DNAJB12: variants seen among roughly 807,000 people sequenced by gnomAD.
DNAJB12 encodes dnaJ homolog subfamily B member 12.
A neutral mutation model predicts 40.6 loss-of-function variants in DNAJB12; 14 were observed. The observed-to-expected ratio is 0.34, with a 90% CI of 0.23 to 0.54. The LOEUF (loss-of-function observed/expected upper bound fraction) is 0.54, where lower values mean the gene tolerates loss of function less well. Among genes scored for constraint, DNAJB12 ranks in the 20% least tolerant of loss-of-function variants. The probability of loss-of-function intolerance (pLI) is 0.92; values close to 1 mark genes in which losing one functional copy is unlikely to be tolerated. For synonymous variants in DNAJB12, 181 were observed against 199.5 expected, an observed-to-expected ratio of 0.91 and a Z score of 0.78; for missense variants, 444 against 501.7, an observed-to-expected ratio of 0.89 and a Z score of 1.10.
At position 72,354,680 on chromosome 10, in the gene DNAJB12, C is replaced by T. The variant is rs540990141; in HGVS notation, c.133+85G>A. ...TAGCCGCGCCTCGCCACCCCTCCCC[C>T]TCCCCCAACTGCTCCCGTCGGTCCG... On this transcript the variant is annotated intron_variant, in intron 1 of 8. Coordinates refer to ENST00000444643, the MANE Select transcript of DNAJB12 (RefSeq NM_017626.7). The T allele has an allele frequency of 5.4e-6, 7 of 1,303,140 alleles. No individual in the cohort carries two copies. The African/African-American group carries it at 8.9e-5, about 17-fold the overall frequency. 80.7% of individuals were successfully genotyped at this position (1,303,140 alleles called of 1,614,324 possible).
chr10:72,341,299 G>T, intron 3 of DNAJB12, 129 bp from the exon 4 acceptor site: 2 of 891,110 alleles, frequency 2.2e-6, no homozygotes, highest in Non-Finnish European at 3.4e-6. Flanking sequence ...CTTGGGGTGG[G>T]CAGGAAGCTT....
chr10:72,345,489 C>T (rs11000269), intron 1 of DNAJB12, among the ~76,000 whole-genome samples: 6 of 149,912 alleles, frequency 4.0e-5, no homozygotes, highest in African/African-American at 1.5e-4. Context: ...GTAATTCCAG[C>T]TACTAGGGAG....
intron 8 of DNAJB12, 162 bp from the exon 9 acceptor site, chr10:72,334,779 G>C: frequency 7.2e-7 from 1 of 1,396,538 alleles, no homozygotes; most frequent in African/African-American, 1.5e-5. Flanking sequence ...CGGCAGCACA[G>C]AGGCAGGCAC....
At chr10:72,343,642 C>T (rs1443913978) in intron 2 of DNAJB12, 131 bp from the exon 3 acceptor site, 10 of 943,500 alleles carry the variant, frequency 1.1e-5, no homozygotes, top group Non-Finnish European at 1.5e-5. Context: ...CTGACAGCTC[C>T]TTGGGTCAGC....
At position 72,340,814 on chromosome 10, in the gene DNAJB12, T is replaced by G; in HGVS notation, c.698A>C (p.Gln233Pro). Reference sequence around the variant, plus strand: ...ATCACCCTGGTTGTCCCTGCGGTCCTGCCTTTGCTGGTAGGTATAGCGCAT... The same window carrying G: ...ATCACCCTGGTTGTCCCTGCGGTCCGGCCTTTGCTGGTAGGTATAGCGCAT... ...GRMRYTYQQRQDRRDNQGDGG... is the reference protein window; with the variant it reads ...GRMRYTYQQRPDRRDNQGDGG... The change falls in exon 5 of 9, where the codon CAG becomes CCG. Residue 233 changes from glutamine (Q) to proline (P), a missense_variant. Coordinates refer to ENST00000444643, the MANE Select transcript of DNAJB12 (RefSeq NM_017626.7). 6.2e-7 allele frequency: 1 copy of G among 1,614,194 alleles called. No homozygotes were observed. Among genetic ancestry groups the G allele is most frequent in the South Asian group, 1.1e-5 (1 of 91,066 alleles).
intron 1 of DNAJB12, among the ~76,000 whole-genome samples, chr10:72,350,534 A>G (rs980944308): frequency 2.0e-5 from 3 of 152,174 alleles, no homozygotes; most frequent in Non-Finnish European, 4.4e-5. Flanking sequence ...CATACAGGCT[A>G]AAAGAGGAAA....
intron 2 of DNAJB12, among the ~76,000 whole-genome samples, chr10:72,344,059 C>T (rs1861715690): frequency 6.6e-6 from 1 of 152,148 alleles, no homozygotes; most frequent in African/African-American, 2.4e-5. Flanking sequence ...TCAGCCCAAT[C>T]TGAGTCTTGA....
intron 1 of DNAJB12, chr10:72,354,415 C>CTAA: frequency 3.0e-5 from 8 of 267,894 alleles, no homozygotes; most frequent in South Asian, 1.2e-4. Context: ...CGGCGACTGG[C>CTAA]CTGGGCTACC....
intron 1 of DNAJB12, among the ~76,000 whole-genome samples, chr10:72,345,542 C>T (rs1861761506): frequency 6.8e-6 from 1 of 146,770 alleles, no homozygotes; most frequent in South Asian, 2.1e-4. Flanking sequence ...TGCAGTCCAG[C>T]CTGGGTGACA....
intron 5 of DNAJB12, 124 bp downstream of exon 5, chr10:72,340,665 G>A: frequency 1.0e-6 from 1 of 975,166 alleles, no homozygotes; most frequent in Admixed American, 2.1e-5. Context: ...CCTTGGCTGA[G>A]AGTTATGGGG....
chr10:72,336,025 G>A (rs1212625731), intron 7 of DNAJB12, 94 bp from the exon 8 acceptor site: 3 of 1,512,660 alleles, frequency 2.0e-6, no homozygotes, highest in Admixed American at 1.8e-5. Context: ...AGGAAAGCTG[G>A]TACATGCCCG....
chr10:72,340,647 A>G, intron 5 of DNAJB12, 142 bp downstream of exon 5: 1 of 805,094 alleles, frequency 1.2e-6, no homozygotes, highest in South Asian at 1.6e-5. Flanking sequence ...AGGGAGGCCC[A>G]GAGGGCTCCT....
chr10:72,347,613 T>G (rs1290635361), intron 1 of DNAJB12, among the ~76,000 whole-genome samples: 1 of 152,234 alleles, frequency 6.6e-6, no homozygotes, highest in Non-Finnish European at 1.5e-5. Flanking sequence ...GGCAGCATCA[T>G]GGCTATTGAA....
rs1589133484 is a variant in DNAJB12 at position 72,350,160 on chromosome 10, G to C, written c.133+4605C>G. ...CACACCTGTCATCTCAGCACTTTAG[G>C]AGGCCAAGGCAGGAGAATGGATTGA... On this transcript the variant is annotated intron_variant, in intron 1 of 8. Transcript: ENST00000444643. Among the ~76,000 whole-genome samples the C allele has an allele frequency of 4.6e-5, 7 of 151,972 alleles. No homozygotes were observed. The South Asian group carries it at 1.5e-3, about 32-fold the overall frequency.
chr10:72,341,217 G>C, intron 3 of DNAJB12, 47 bp from the exon 4 acceptor site: 2 of 1,563,670 alleles, frequency 1.3e-6, no homozygotes, highest in South Asian at 2.3e-5. Context: ...TGGGGTGCGG[G>C]GGGAGGCTCC....
In DNAJB12 at chr10:72,334,242, G is replaced by C; in HGVS notation, c.*406C>G. 2.7e-6 allele frequency: 1 copy of C among 376,504 alleles called. No individual in the cohort carries two copies. The highest frequency in any genetic ancestry group is 4.8e-6 in the Non-Finnish European group (1 of 206,914). The allele number at this position is 376,504 out of a possible 1,614,324, so 23.3% of individuals were successfully genotyped here. A position where few individuals can be genotyped will look rare whatever the true frequency, so the allele number is the denominator to read the frequency against. ...CCTCCTATCTTTGGCCAGGGCCTCT[G>C]GCTTCTCCTGAGAGGTGGCTGGTGG... is the stretch of plus-strand genomic sequence containing the variant. On this transcript the variant is annotated 3_prime_UTR_variant, in exon 9 of 9. Coordinates refer to ENST00000444643, the MANE Select transcript of DNAJB12 (RefSeq NM_017626.7).
chr10:72,350,622 A>G (rs915443817), intron 1 of DNAJB12, among the ~76,000 whole-genome samples: 1 of 152,098 alleles, frequency 6.6e-6, no homozygotes, highest in Non-Finnish European at 1.5e-5. Context: ...CTTTGTTAGT[A>G]AGTGAGTAGC....
rs756781342 is a variant in DNAJB12 at position 72,335,942 on chromosome 10, A to G, written c.1007-11T>C. On this transcript the variant is annotated splice_polypyrimidine_tract_variant and intron_variant, in intron 7 of 8. Coordinates refer to ENST00000444643, the MANE Select transcript of DNAJB12 (RefSeq NM_017626.7). This position sits in a 1 kb window ranked among gnomAD's most constrained non-coding sequence, Gnocchi z 4.4. Reference sequence around the variant, plus strand: ...ACAGCAAGCCTTCCTCTGCAAAGCAATGGGACAGGGTTAGTGCACACCCAG... The same window carrying G: ...ACAGCAAGCCTTCCTCTGCAAAGCAGTGGGACAGGGTTAGTGCACACCCAG... The G allele has an allele frequency of 6.2e-7, 1 of 1,614,002 alleles. No homozygotes were observed. The highest frequency in any genetic ancestry group is 8.5e-7 in the Non-Finnish European group (1 of 1,179,906).
At chr10:72,343,189 C>A (rs1352799787) in intron 3 of DNAJB12, among the ~76,000 whole-genome samples, 177 bp downstream of exon 3, 2 of 152,224 alleles carry the variant, frequency 1.3e-5, no homozygotes, top group Non-Finnish European at 2.9e-5. Flanking sequence ...CTCTACATAG[C>A]TAGAGGTGGC....
Sources: gnomAD v4.1 joint callset for allele counts (sites outside exome capture counted in the v4.1 genomes callset) on GRCh38, gnomAD v4.1.1 for gene constraint, Gnocchi (gnomAD v3.1) non-coding constraint, MANE v1.5 for transcripts, NCBI Gene and HGNC (gene_info 2026-07-23, HGNC 2026-07-21) for gene names.